KCND2: variants seen among roughly 807,000 people sequenced by gnomAD.
KCND2 encodes the protein A-type voltage-gated potassium channel KCND2.
In KCND2, 16 loss-of-function variants were observed where a neutral mutation model predicts 54.4. The observed-to-expected ratio is 0.29, with a 90% CI of 0.20 to 0.45. KCND2 has a LOEUF of 0.45. Ranked by LOEUF, KCND2 falls within the 20% of genes least tolerant of loss-of-function variation. KCND2 has a pLI of 1.00. For missense variants in KCND2, 486 were observed against 824.2 expected, an observed-to-expected ratio of 0.59 and a Z score of 5.02; for synonymous variants, 317 against 310.7, an observed-to-expected ratio of 1.02 and a Z score of -0.21.
At chr7:120,728,282 CT>C (rs758218585) in intron 1 of KCND2, among the ~76,000 whole-genome samples, 243 of 138,834 alleles carry the variant, frequency 1.8e-3, no homozygotes, top group Non-Finnish European at 2.2e-3. Flanking sequence ...CGTTCTTCTT[CT>C]TTTTTTTTTT....
At chr7:120,576,873 G>A (rs921370116) in intron 1 of KCND2, among the ~76,000 whole-genome samples, 7 of 152,096 alleles carry the variant, frequency 4.6e-5, no homozygotes, top group East Asian at 1.9e-4. Flanking sequence ...GAGGCTGGGC[G>A]CGGTGGCTCA....
At chr7:120,743,350 G>A (rs1792965218) in intron 4 of KCND2, among the ~76,000 whole-genome samples, 1 of 152,126 alleles carries the variant, frequency 6.6e-6, no homozygotes, top group South Asian at 2.1e-4. Context: ...GCCTGTTCAT[G>A]TACTTATTTA....
At chr7:120,459,519 A>T (rs1315685787) in intron 1 of KCND2, among the ~76,000 whole-genome samples, 1 of 151,996 alleles carries the variant, frequency 6.6e-6, no homozygotes, top group Non-Finnish European at 1.5e-5. Context: ...CTTTTATATC[A>T]TTTATTTATT....
At position 120,275,299 on chromosome 7, in the gene KCND2, G is replaced by T; in HGVS notation, c.667G>T (p.Glu223Ter). ...TCACATTAAAGAACTGCCCTGTGGA[G>T]AGCGGTATGCTGTGGCCTTCTTCTG... Reference protein sequence around the residue: ...PGHIKELPCGERYAVAFFCLD... With the variant: ...PGHIKELPCG Residue 223 changes from glutamate (E) to a stop codon, truncating the protein, a stop_gained, in exon 1 of 6, where the codon GAG (glutamate) becomes TAG (stop). Transcript: ENST00000331113. LOFTEE classifies it high-confidence loss of function. 1.2e-6 allele frequency: 2 copies of T among 1,613,948 alleles called. No homozygotes were observed. Among genetic ancestry groups the T allele is most frequent in the Non-Finnish European group, 1.7e-6 (2 of 1,180,004 alleles).
At chr7:120,380,804 T>G in intron 1 of KCND2, among the ~76,000 whole-genome samples, 1 of 152,078 alleles carries the variant, frequency 6.6e-6, no homozygotes, top group East Asian at 1.9e-4. Context: ...CATTCTACCC[T>G]ATATACATAA....
intron 5 of KCND2, 128 bp downstream of exon 5, chr7:120,746,155 G>A: frequency 9.4e-7 from 1 of 1,062,522 alleles, no homozygotes; most frequent in Non-Finnish European, 1.4e-6. Context: ...AGACAAAAAT[G>A]GTAGCGTAAC....
chr7:120,502,719 C>T (rs752869436), intron 1 of KCND2, among the ~76,000 whole-genome samples: 3 of 152,046 alleles, frequency 2.0e-5, no homozygotes, highest in Non-Finnish European at 2.9e-5. Flanking sequence ...AGTTAGGGAG[C>T]TTCTTTGCTA....
At chr7:120,703,457 C>A (rs1792427777) in intron 1 of KCND2, among the ~76,000 whole-genome samples, 1 of 152,174 alleles carries the variant, frequency 6.6e-6, no homozygotes, top group Non-Finnish European at 1.5e-5. Context: ...ATTTTTCACT[C>A]TTTATGGTTA....
At position 120,353,778 on chromosome 7, in the gene KCND2, T is replaced by C. The variant is rs112805971; in HGVS notation, c.1115+78031T>C. Among the ~76,000 whole-genome samples the C allele has an allele frequency of 1.5e-3, 231 of 152,236 alleles. 1 individual carries two copies. Among genetic ancestry groups the C allele is most frequent in the African/African-American group, 5.3e-3 (221 of 41,546 alleles). On this transcript the variant is annotated intron_variant, in intron 1 of 5. Transcript: ENST00000331113. Reference sequence around the variant, plus strand: ...ACTATTTAAATAATATTCTAATACATTGTTTGCCTTTTTCATTCTATTGAT... The same window carrying C: ...ACTATTTAAATAATATTCTAATACACTGTTTGCCTTTTTCATTCTATTGAT...
At chr7:120,277,227 A>G (rs566784808) in intron 1 of KCND2, among the ~76,000 whole-genome samples, 4 of 152,236 alleles carry the variant, frequency 2.6e-5, no homozygotes, top group African/African-American at 7.2e-5. Flanking sequence ...TAAAAAATGA[A>G]TTAGTGAAAA....
At chr7:120,623,750 G>A (rs1008334170) in intron 1 of KCND2, among the ~76,000 whole-genome samples, 1 of 152,146 alleles carries the variant, frequency 6.6e-6, no homozygotes, top group African/African-American at 2.4e-5. Context: ...AATATGTTCA[G>A]AGGGAGGAGG....
chr7:120,371,524 G>A (rs1211024302), intron 1 of KCND2, among the ~76,000 whole-genome samples: 1 of 151,896 alleles, frequency 6.6e-6, no homozygotes, highest in East Asian at 1.9e-4. Flanking sequence ...GAGTGGGAGG[G>A]AGGCTTCTGT....
At chr7:120,666,578 G>T (rs931046589) in intron 1 of KCND2, among the ~76,000 whole-genome samples, 1 of 152,024 alleles carries the variant, frequency 6.6e-6, no homozygotes, top group Non-Finnish European at 1.5e-5. Context: ...ATAGATACAA[G>T]TAAGAATGTT....
intron 1 of KCND2, among the ~76,000 whole-genome samples, chr7:120,683,571 A>G (rs1792166112): frequency 6.6e-6 from 1 of 152,170 alleles, no homozygotes; most frequent in Admixed American, 6.6e-5. Context: ...TATTTAAGTA[A>G]TAGCATAACT....
At chr7:120,460,954 G>A (rs1405097285) in intron 1 of KCND2, among the ~76,000 whole-genome samples, 3 of 151,858 alleles carry the variant, frequency 2.0e-5, no homozygotes, top group Non-Finnish European at 4.4e-5. Context: ...TTGTTGCATT[G>A]ATATATTACT....
At chr7:120,635,538 C>A (rs1210465587) in intron 1 of KCND2, among the ~76,000 whole-genome samples, 3 of 152,096 alleles carry the variant, frequency 2.0e-5, no homozygotes, top group Non-Finnish European at 2.9e-5. Flanking sequence ...ATTGAAAGTA[C>A]AACAAAGATC....
chr7:120,406,042 A>G (rs1801350926), intron 1 of KCND2, among the ~76,000 whole-genome samples: 1 of 152,032 alleles, frequency 6.6e-6, no homozygotes, highest in African/African-American at 2.4e-5. Flanking sequence ...AAGGTGGTAT[A>G]AAGGAACTAC....
chr7:120,453,777 A>C (rs1040168179), intron 1 of KCND2, among the ~76,000 whole-genome samples: 1 of 152,190 alleles, frequency 6.6e-6, no homozygotes. Context: ...TTATACCTCT[A>C]AACACTCATA....
At chr7:120,497,155 T>C (rs1255450464) in intron 1 of KCND2, among the ~76,000 whole-genome samples, 2 of 152,158 alleles carry the variant, frequency 1.3e-5, no homozygotes, top group Non-Finnish European at 2.9e-5. Context: ...AAATTAAAAA[T>C]AAAGGATATT....
Sources: gnomAD v4.1 joint callset for allele counts (sites outside exome capture counted in the v4.1 genomes callset) on GRCh38, gnomAD v4.1.1 for gene constraint, MANE v1.5 for transcripts, NCBI Gene and HGNC (gene_info 2026-07-23, HGNC 2026-07-21) for gene names.